PTPRM: variants seen among roughly 807,000 people sequenced by gnomAD.
PTPRM encodes receptor-type tyrosine-protein phosphatase mu.
A neutral mutation model predicts 186.7 loss-of-function variants in PTPRM; 47 were observed. That is an observed-to-expected ratio of 0.25 (90% confidence interval 0.20 to 0.32). The LOEUF (loss-of-function observed/expected upper bound fraction) is 0.32, where lower values mean the gene tolerates loss of function less well. PTPRM is among the 10% of genes least tolerant of loss of function. The pLI, the probability that PTPRM is intolerant of heterozygous loss-of-function variation, is 1.00. For synonymous variants in PTPRM, 668 were observed against 674.9 expected (o/e 0.99, Z 0.16); for missense variants, 1,494 against 1,865.0 (o/e 0.80, Z 3.66).
Position 7,668,407 on chromosome 18 carries a change from A to C in PTPRM, c.73+100516A>C, listed in dbSNP as rs1467501747. Among the ~76,000 whole-genome samples the C allele has an allele frequency of 1.3e-5, 2 of 152,226 alleles. No individual in the cohort carries two copies. Among genetic ancestry groups the C allele is most frequent in the Non-Finnish European group, 1.5e-5 (1 of 68,042 alleles). ...TTGTTATTATGTAGCTCTCAGCTGC[A>C]ACGGTATTTAACACGTTTTACACAT... On this transcript the variant is annotated intron_variant, in intron 1 of 32. Transcript: ENST00000580170. The surrounding 1 kb of genome is among the most constrained non-coding windows in gnomAD (Gnocchi z 4.7).
intron 1 of PTPRM, among the ~76,000 whole-genome samples, chr18:7,765,772 T>C (rs765139700): frequency 1.3e-5 from 2 of 152,224 alleles, no homozygotes; most frequent in Non-Finnish European, 2.9e-5. Flanking sequence ...GAGACCCATT[T>C]AATACTTTAT....
chr18:7,571,796 A>T (rs1416872026), intron 1 of PTPRM, among the ~76,000 whole-genome samples: 2 of 152,158 alleles, frequency 1.3e-5, no homozygotes, highest in Admixed American at 6.5e-5. Flanking sequence ...TGCTCTGTGA[A>T]TGTAAGATGT....
At chr18:7,738,982 G>T (rs2040832977) in intron 1 of PTPRM, among the ~76,000 whole-genome samples, 1 of 151,966 alleles carries the variant, frequency 6.6e-6, no homozygotes, top group African/African-American at 2.4e-5. Context: ...TGCAAGTTTG[G>T]CTTTGGGAAG....
intron 19 of PTPRM, among the ~76,000 whole-genome samples, chr18:8,257,240 G>A (rs930323246): frequency 1.3e-5 from 2 of 152,208 alleles, no homozygotes; most frequent in African/African-American, 4.8e-5. Flanking sequence ...CCCAAAAGCA[G>A]GAGAATGGGG....
intron 2 of PTPRM, among the ~76,000 whole-genome samples, chr18:7,833,727 T>C (rs1179125065): frequency 6.6e-6 from 1 of 150,718 alleles, no homozygotes; most frequent in African/African-American, 2.5e-5. Context: ...AGAGCGAGAC[T>C]CTGTCTCAGA....
In PTPRM at chr18:8,020,984, A is replaced by G. The variant is rs114571738; in HGVS notation, c.1133-48702A>G. The stretch of plus-strand genomic sequence containing the variant: ...GGCACATTCCAAGCCTTTTGTTTCC[A>G]GTGCAGTATTGGGACTTGGTTGTAA... On this transcript the variant is annotated intron_variant, in intron 7 of 32. Coordinates refer to ENST00000580170, the MANE Select transcript of PTPRM (RefSeq NM_001105244.2). 4.9e-3 allele frequency among the ~76,000 whole-genome samples: 749 copies of G among 152,208 alleles called. 6 individuals carry two copies. The highest frequency in any genetic ancestry group is 0.016 in the African/African-American group (676 of 41,514).
intron 32 of PTPRM, among the ~76,000 whole-genome samples, chr18:8,405,539 T>A (rs2095900965): frequency 6.6e-6 from 1 of 152,180 alleles, no homozygotes; most frequent in Non-Finnish European, 1.5e-5. Flanking sequence ...CCACCTCATG[T>A]GTTGTCATTG....
Position 8,134,808 on chromosome 18 carries a change from A to G in PTPRM, c.2168-8839A>G, listed in dbSNP as rs74607355. On this transcript the variant is annotated intron_variant, in intron 13 of 32. Transcript: ENST00000580170. ...ACTTTTAACTTGAGTCTTGTATTCC[A>G]TAGCATGAGCAATAACCACTTGAGT... 1.1e-3 allele frequency among the ~76,000 whole-genome samples: 173 copies of G among 152,130 alleles called. 2 individuals are homozygous for G. In the East Asian group the frequency reaches 0.031, roughly 27 times the overall value.
chr18:7,694,578 C>T (rs1400165284), intron 1 of PTPRM, among the ~76,000 whole-genome samples: 2 of 151,938 alleles, frequency 1.3e-5, no homozygotes, highest in Admixed American at 6.5e-5. Context: ...AGGTACCCAC[C>T]ACCATGCCTG....
At chr18:8,038,311 G>A (rs2086465297) in intron 7 of PTPRM, among the ~76,000 whole-genome samples, 1 of 151,788 alleles carries the variant, frequency 6.6e-6, no homozygotes, top group South Asian at 2.1e-4. Context: ...AGGAAGACAG[G>A]AACCTGTGCA....
At chr18:7,894,887 TTAATA>T (rs2049272997) in intron 3 of PTPRM, among the ~76,000 whole-genome samples, 1 of 152,220 alleles carries the variant, frequency 6.6e-6, no homozygotes, top group Non-Finnish European at 1.5e-5. Context: ...TTCTAAAATA[TTAATA>T]TAAGTTTCAT....
chr18:7,603,438 T>TA (rs1207012786), intron 1 of PTPRM, among the ~76,000 whole-genome samples: 1 of 152,238 alleles, frequency 6.6e-6, no homozygotes, highest in Non-Finnish European at 1.5e-5. Context: ...CCCTGCCTGT[T>TA]AACAGCTACC....
intron 2 of PTPRM, among the ~76,000 whole-genome samples, chr18:7,803,031 G>C (rs1277280933): frequency 1.3e-5 from 2 of 152,178 alleles, no homozygotes; most frequent in Non-Finnish European, 2.9e-5. Context: ...GCTTCAGAAA[G>C]GGGGTAGTAT....
chr18:8,218,517 CAATT>C (rs2094116061), intron 14 of PTPRM, among the ~76,000 whole-genome samples: 1 of 152,096 alleles, frequency 6.6e-6, no homozygotes, highest in African/African-American at 2.4e-5. Flanking sequence ...CAGAGGCACT[CAATT>C]AGTTTATAAC....
intron 2 of PTPRM, chr18:7,814,589 C>T (rs1377073343): frequency 8.5e-5 from 13 of 152,152 alleles, no homozygotes; most frequent in Non-Finnish European, 1.5e-5. Flanking sequence ...AATAGTGATG[C>T]TATAAATAGC....
intron 1 of PTPRM, among the ~76,000 whole-genome samples, chr18:7,623,272 T>A (rs1309562506): frequency 1.3e-5 from 2 of 152,132 alleles, no homozygotes; most frequent in Non-Finnish European, 2.9e-5. Flanking sequence ...TTTTTAACCC[T>A]TTTTCTGATT....
chr18:7,864,731 A>T (rs1480949990), intron 2 of PTPRM, among the ~76,000 whole-genome samples: 1 of 152,116 alleles, frequency 6.6e-6, no homozygotes, highest in Non-Finnish European at 1.5e-5. Flanking sequence ...TAATTCTGTG[A>T]AGAAAGTCAA....
intron 9 of PTPRM, among the ~76,000 whole-genome samples, chr18:8,082,117 C>A (rs1439992755): frequency 6.6e-6 from 1 of 151,994 alleles, no homozygotes; most frequent in Non-Finnish European, 1.5e-5. Flanking sequence ...CCCGCTCTCC[C>A]CAGGAGTAGT....
intron 2 of PTPRM, among the ~76,000 whole-genome samples, chr18:7,856,569 T>A: frequency 6.6e-6 from 1 of 151,246 alleles, no homozygotes; most frequent in South Asian, 2.1e-4. Flanking sequence ...TGAGACCCTG[T>A]CTTTGCAGAA....
Sources: gnomAD v4.1 joint callset for allele counts (sites outside exome capture counted in the v4.1 genomes callset) on GRCh38, gnomAD v4.1.1 for gene constraint, Gnocchi (gnomAD v3.1) non-coding constraint, MANE v1.5 for transcripts, NCBI Gene and HGNC (gene_info 2026-07-23, HGNC 2026-07-21) for gene names.